Variants in KAT14 observed in about 807,000 individuals in gnomAD.
The protein encoded by KAT14 is cysteine-rich protein 2-binding protein.
A neutral mutation model predicts 78.4 loss-of-function variants in KAT14; 66 were observed. The observed-to-expected ratio is 0.84, with a 90% confidence interval of 0.69 to 1.03. The LOEUF (loss-of-function observed/expected upper bound fraction) is 1.03. Ranked by LOEUF, KAT14 falls within the 50% of genes least tolerant of loss-of-function variation. The probability of loss-of-function intolerance (pLI) is 0.00; values close to 1 mark genes in which losing one functional copy is unlikely to be tolerated. For synonymous variants in KAT14, 344 were observed against 359.4 expected (o/e 0.96, Z 0.48); for missense variants, 870 against 972.5 (o/e 0.89, Z 1.40).
At chr20:18,175,010 C>T (rs188436105) in intron 7 of KAT14, among the ~76,000 whole-genome samples, 3 of 151,662 alleles carry the variant, frequency 2.0e-5, no homozygotes, top group East Asian at 1.9e-4. Flanking sequence ...TTTTTTTCCC[C>T]GTGAGCTCAT....
In KAT14 at chr20:18,137,939, C is replaced by T. The variant is rs977136477; in HGVS notation, c.-566C>T. On this transcript the variant is annotated 5_prime_UTR_variant, in exon 1 of 11. Transcript: ENST00000688188. ...TCGGGCGGGCGGGAGAGAGAGGCCGCGGCCGCCAGCGTGGGGATGTCTAGG... is the reference window on the plus strand; with the variant it reads ...TCGGGCGGGCGGGAGAGAGAGGCCGTGGCCGCCAGCGTGGGGATGTCTAGG... 1.4e-5 allele frequency: 21 copies of T among 1,477,190 alleles called. No individual in the cohort carries two copies. The highest frequency in any genetic ancestry group is 1.8e-5 in the Non-Finnish European group (20 of 1,121,854). The allele number at this position is 1,477,190 out of a possible 1,614,324, so 91.5% of individuals were successfully genotyped here.
At chr20:18,186,432 G>A (rs1696471402) in intron 10 of KAT14, among the ~76,000 whole-genome samples, 1 of 152,178 alleles carries the variant, frequency 6.6e-6, no homozygotes, top group Non-Finnish European at 1.5e-5. Context: ...AAATGCCTAT[G>A]GATACACATG....
At chr20:18,166,419 G>A (rs1057325536) in intron 7 of KAT14, among the ~76,000 whole-genome samples, 21 of 152,252 alleles carry the variant, frequency 1.4e-4, no homozygotes, top group Non-Finnish European at 2.9e-4. Context: ...GGCGTAGACT[G>A]TGGGCTGGAA....
chr20:18,162,216 T>C lies in KAT14; in HGVS notation c.1076T>C (p.Met359Thr). The C allele has an allele frequency of 6.2e-7, 1 of 1,614,106 alleles. No individual in the cohort carries two copies. Residue 359 changes from methionine (M) to threonine (T), a missense_variant, in exon 6 of 11, where the codon ATG (methionine) becomes ACG (threonine). Physicochemically the swap from Met to Thr is moderately conservative, Grantham distance 81 (BLOSUM62 -1). Transcript: ENST00000688188. Reference sequence around the variant, plus strand: ...GAAGCAGATCTGATTCCAGATGTGATGCCCCCACAAGCCTTGTTTCATGGT... The same window carrying C: ...GAAGCAGATCTGATTCCAGATGTGACGCCCCCACAAGCCTTGTTTCATGGT... The part of the protein sequence containing the change: ...LSEADLIPDV[M>T]PPQALFHDDD...
chr20:18,181,531 C>T (rs903001497), intron 7 of KAT14, among the ~76,000 whole-genome samples, 179 bp from the exon 8 acceptor site: 3 of 151,920 alleles, frequency 2.0e-5, no homozygotes, highest in Admixed American at 1.3e-4. Context: ...CCACCACGGC[C>T]GGCTAATTTT....
intron 7 of KAT14, among the ~76,000 whole-genome samples, chr20:18,167,197 A>G (rs769730541): frequency 7.2e-5 from 11 of 152,222 alleles, no homozygotes; most frequent in South Asian, 2.1e-4. Context: ...ATTTGGTCCC[A>G]GTTCCAGAGG....
chr20:18,143,918 C>A (rs1194338399), intron 2 of KAT14, among the ~76,000 whole-genome samples: 1 of 152,234 alleles, frequency 6.6e-6, no homozygotes. Flanking sequence ...GCATGTGCTA[C>A]TGTGCTCGGC....
chr20:18,150,288 T>G (rs2037985421), intron 3 of KAT14, among the ~76,000 whole-genome samples: 1 of 152,214 alleles, frequency 6.6e-6, no homozygotes, highest in Non-Finnish European at 1.5e-5. Context: ...ATAGATGGCA[T>G]GTAGCATTAT....
At chr20:18,138,085 C>CAA in intron 1 of KAT14, 34 bp downstream of exon 1, 1 of 1,436,220 alleles carries the variant, frequency 7.0e-7, no homozygotes, top group Non-Finnish European at 9.1e-7. Context: ...TCCGGGCCCG[C>CAA]GCGCGCGGCG....
intron 3 of KAT14, among the ~76,000 whole-genome samples, chr20:18,146,240 G>C (rs1186717791): frequency 1.3e-5 from 2 of 152,134 alleles, no homozygotes; most frequent in Non-Finnish European, 2.9e-5. Context: ...ATACTTTTTA[G>C]TTCAAAAACC....
chr20:18,158,618 G>A (rs956203449), intron 4 of KAT14, among the ~76,000 whole-genome samples: 3 of 152,220 alleles, frequency 2.0e-5, no homozygotes, highest in South Asian at 2.1e-4. Flanking sequence ...GCTACTCCTC[G>A]GGTAAAATGA....
intron 7 of KAT14, among the ~76,000 whole-genome samples, chr20:18,177,545 T>C (rs1311707476): frequency 6.6e-6 from 1 of 152,224 alleles, no homozygotes; most frequent in African/African-American, 2.4e-5. Context: ...TTTTCAGTTT[T>C]ACCTTGAAAC....
chr20:18,159,361 G>T, intron 5 of KAT14, 96 bp downstream of exon 5: 2 of 1,409,846 alleles, frequency 1.4e-6, no homozygotes, highest in Middle Eastern at 2.4e-4. Context: ...GGCATGGCTC[G>T]CAGGCCTCTC....
Position 18,183,173 on chromosome 20 carries a change from G to A in KAT14, c.1856G>A (p.Arg619His), listed in dbSNP as rs377501769. The change falls in exon 9 of 11, where the codon CGT becomes CAT. Residue 619 changes from arginine to histidine, a missense_variant. Physicochemically the swap from Arg to His is conservative, Grantham distance 29. Transcript: ENST00000688188. Reference sequence around the variant, plus strand: ...AAACTGCAGCTCCTGTCACAGATTCGTTCCCACCTGCACAGGAGCGACCCT... The same window carrying A: ...AAACTGCAGCTCCTGTCACAGATTCATTCCCACCTGCACAGGAGCGACCCT... Reference protein sequence around the residue: ...PPKLQLLSQIRSHLHRSDPHW... With the variant: ...PPKLQLLSQIHSHLHRSDPHW... The A allele has an allele frequency of 1.9e-5, 30 of 1,613,628 alleles. No individual in the cohort carries two copies. The highest frequency in any genetic ancestry group is 6.7e-5 in the Admixed American group (4 of 59,946).
At chr20:18,138,950 G>A (rs1036767167) in intron 1 of KAT14, among the ~76,000 whole-genome samples, 2 of 152,178 alleles carry the variant, frequency 1.3e-5, no homozygotes, top group Non-Finnish European at 2.9e-5. Flanking sequence ...AAAACAACTT[G>A]GCAGTGATTG....
At chr20:18,150,711 G>A in intron 3 of KAT14, 110 bp from the exon 4 acceptor site, 2 of 1,533,514 alleles carry the variant, frequency 1.3e-6, no homozygotes, top group Non-Finnish European at 1.8e-6. Context: ...TGTTCGCTCT[G>A]TTCCCCACCA....
At chr20:18,174,416 T>A (rs2038961815) in intron 7 of KAT14, among the ~76,000 whole-genome samples, 1 of 152,164 alleles carries the variant, frequency 6.6e-6, no homozygotes, top group Admixed American at 6.5e-5. Flanking sequence ...GGCTGTGCCG[T>A]TTTACATTCC....
At chr20:18,159,286 C>T in intron 5 of KAT14, 21 bp downstream of exon 5, 2 of 1,609,314 alleles carry the variant, frequency 1.2e-6, no homozygotes, top group Non-Finnish European at 8.5e-7. Context: ...GAGAACAGTA[C>T]AAAAGTTGCT....
rs2037617604 is a variant in KAT14, at chr20:18,142,283, C to T, written c.-378C>T. The T allele has an allele frequency of 6.5e-7, 1 of 1,537,120 alleles. No individual in the cohort carries two copies. ...AGAAAACATTCGTCTTTTGGGAGAACAGATTATTTTGACTGAGCAACTTGA... is the reference window on the plus strand; with the variant it reads ...AGAAAACATTCGTCTTTTGGGAGAATAGATTATTTTGACTGAGCAACTTGA... On this transcript the variant is annotated 5_prime_UTR_variant, in exon 2 of 11. An upstream open reading frame in the 5' UTR gains an earlier in-frame stop. Coordinates refer to ENST00000688188, the MANE Select transcript of KAT14 (RefSeq NM_001392073.1).
Sources: allele counts gnomAD v4.1 joint callset (sites outside exome capture counted in the v4.1 genomes callset), GRCh38; gene constraint gnomAD v4.1.1; transcripts MANE v1.5; gene names NCBI Gene and HGNC (gene_info 2026-07-23, HGNC 2026-07-21).